The following GPC3 variants were observed in gnomAD, a reference collection of about 807,000 sequenced individuals.
GPC3 encodes glypican 3, also known as glypican-3.
In GPC3, 3 loss-of-function variants were observed where a neutral mutation model predicts 34.4. That is an observed-to-expected ratio of 0.09 (90% CI 0.04 to 0.23). The LOEUF is 0.23. GPC3 is among the 10% of genes least tolerant of loss of function. The pLI is 1.00. For synonymous variants in GPC3, 177 were observed against 174.0 expected, an observed-to-expected ratio of 1.02 and a Z score of -0.13; for missense variants, 351 against 445.6, an observed-to-expected ratio of 0.79 and a Z score of 1.91.
chrX:133,810,874 A>AG (rs370347048), intron 2 of GPC3, among the ~76,000 whole-genome samples: 1,476 of 108,452 alleles, frequency 0.014, 28 homozygotes, highest in African/African-American at 0.046. Context: ...AAAAAAAAAA[A>AG]AAAAAAGAAA....
At chrX:133,785,393 G>A (rs2072091459) in intron 2 of GPC3, among the ~76,000 whole-genome samples, 1 of 111,297 alleles carries the variant, frequency 9.0e-6, no homozygotes, top group Admixed American at 9.6e-5. Flanking sequence ...GAAGTTATAT[G>A]ACCTCTCAGC....
Position 133,535,939 on chromosome X carries a change from C to A in GPC3, c.*185G>T, listed in dbSNP as rs2069281982. Reference sequence around the variant, plus strand: ...TCTATATGCTACCACTAAAATGTATCTTCCTCCAAAAGATACCATTTGATT... The same window carrying A: ...TCTATATGCTACCACTAAAATGTATATTCCTCCAAAAGATACCATTTGATT... On this transcript the variant is annotated 3_prime_UTR_variant, in exon 8 of 8. Coordinates refer to ENST00000370818, the MANE Select transcript of GPC3 (RefSeq NM_004484.4). 1 of 429,705 alleles carries A rather than the reference C, an allele frequency of 2.3e-6. No homozygotes were observed. Among genetic ancestry groups the A allele is most frequent in the Non-Finnish European group, 4.0e-6 (1 of 249,162 alleles). The allele number at this position is 429,705 out of a possible 1,213,427, so 35.4% of individuals were successfully genotyped here.
At chrX:133,945,973 G>A (rs943735580) in intron 2 of GPC3, among the ~76,000 whole-genome samples, 11 of 111,125 alleles carry the variant, frequency 9.9e-5, no homozygotes, top group Non-Finnish European at 1.7e-4. Flanking sequence ...TTGGAAAACT[G>A]CAAAGGTTTT....
chrX:133,617,836 CTGG>C (rs1252415969), intron 6 of GPC3, among the ~76,000 whole-genome samples: 1 of 111,313 alleles, frequency 9.0e-6, no homozygotes, highest in African/African-American at 3.3e-5. Flanking sequence ...GTTGCCCAGG[CTGG>C]TCTCCAACTC....
chrX:133,830,678 C>CAAAAAAAAAAAAAAAAAAA (rs1174232524), intron 2 of GPC3, among the ~76,000 whole-genome samples: 1 of 13,439 alleles, frequency 7.4e-5, no homozygotes, highest in Non-Finnish European at 2.4e-4. Context: ...GACTCCATCT[C>CAAAAAAAAAAAAAAAAAAA]AAAAAAAAAA....
At chrX:133,912,746 C>T (rs186176488) in intron 2 of GPC3, among the ~76,000 whole-genome samples, 1 of 111,653 alleles carries the variant, frequency 9.0e-6, no homozygotes, top group East Asian at 2.8e-4. Context: ...ACTTTTATAA[C>T]TTATTTGAAC....
chrX:133,569,443 C>T (rs1286559544), intron 7 of GPC3, among the ~76,000 whole-genome samples: 2 of 111,421 alleles, frequency 1.8e-5, no homozygotes, highest in African/African-American at 6.5e-5. Flanking sequence ...ACCATGGTCC[C>T]AGTTCCTGGA....
intron 2 of GPC3, among the ~76,000 whole-genome samples, chrX:133,777,917 G>A (rs907357286): frequency 8.9e-6 from 1 of 111,760 alleles, no homozygotes; most frequent in African/African-American, 3.3e-5. Flanking sequence ...CATGAGCCCC[G>A]GTCTTTTGTT....
intron 5 of GPC3, among the ~76,000 whole-genome samples, chrX:133,684,355 C>T (rs1316702997): frequency 9.0e-6 from 1 of 111,536 alleles, no homozygotes; most frequent in Non-Finnish European, 1.9e-5. Flanking sequence ...ATAAGCAGAG[C>T]CTCCTCCAAT....
At chrX:133,749,359 A>T (rs1368947941) in intron 3 of GPC3, among the ~76,000 whole-genome samples, 1 of 111,763 alleles carries the variant, frequency 8.9e-6, no homozygotes, top group Non-Finnish European at 1.9e-5. Context: ...GAATGTGTCT[A>T]ACAAGTAACC....
At chrX:133,813,442 G>T (rs184086385) in intron 2 of GPC3, among the ~76,000 whole-genome samples, 1 of 112,604 alleles carries the variant, frequency 8.9e-6, no homozygotes, top group Admixed American at 9.4e-5. Flanking sequence ...AACCTCTGGG[G>T]GAAGTATTAT....
chrX:133,900,905 T>C (rs184066534), intron 2 of GPC3, among the ~76,000 whole-genome samples: 6 of 111,519 alleles, frequency 5.4e-5, no homozygotes, highest in African/African-American at 2.0e-4. Flanking sequence ...TTTCACAGAG[T>C]AGAATTTATT....
chrX:133,584,376 G>A (rs1383738038), intron 7 of GPC3, among the ~76,000 whole-genome samples: 3 of 111,996 alleles, frequency 2.7e-5, no homozygotes, highest in Admixed American at 1.9e-4. Flanking sequence ...TTTGGAGAAC[G>A]ACTCTTCTCT....
At chrX:133,788,304 G>A (rs551683601) in intron 2 of GPC3, among the ~76,000 whole-genome samples, 2 of 107,178 alleles carry the variant, frequency 1.9e-5, no homozygotes, top group African/African-American at 6.8e-5. Context: ...CTAGAAGGTG[G>A]AGAGATATAA....
Position 133,734,271 on chromosome X carries a change from G to A in GPC3, c.1032+19211C>T, listed in dbSNP as rs778587820. ...ATCAATGTAATATATCATATCAATA[G>A]AATAAAGGATACATTCCCATGATTA... is the stretch of plus-strand genomic sequence containing the variant. On this transcript the variant is annotated intron_variant, in intron 3 of 7. Transcript: ENST00000370818. Among the ~76,000 whole-genome samples the A allele has an allele frequency of 4.5e-5, 5 of 111,579 alleles. No individual in the cohort carries two copies. In the South Asian group the frequency reaches 1.8e-3, roughly 41 times the overall value.
chrX:133,654,673 C>T (rs1170076138), intron 6 of GPC3, among the ~76,000 whole-genome samples: 1 of 109,539 alleles, frequency 9.1e-6, no homozygotes, highest in African/African-American at 3.4e-5. Context: ...GATCACGCCA[C>T]TGCACTCCAG....
intron 2 of GPC3, among the ~76,000 whole-genome samples, chrX:133,903,015 CG>C (rs1458432984): frequency 9.1e-6 from 1 of 109,326 alleles, no homozygotes; most frequent in Non-Finnish European, 1.9e-5. Context: ...GAGGCCGAGG[CG>C]GGCAGATCAC....
At chrX:133,840,024 C>G (rs1008415231) in intron 2 of GPC3, among the ~76,000 whole-genome samples, 21 of 109,153 alleles carry the variant, frequency 1.9e-4, no homozygotes, top group African/African-American at 7.0e-4. Context: ...ACTTTGAACA[C>G]TAAAATAGAA....
chrX:133,742,554 T>G (rs1363420677), intron 3 of GPC3, among the ~76,000 whole-genome samples: 1 of 112,069 alleles, frequency 8.9e-6, no homozygotes, highest in Non-Finnish European at 1.9e-5. Context: ...GCCCATCTAT[T>G]AACTATATGA....
Sources: allele counts gnomAD v4.1 joint callset (sites outside exome capture counted in the v4.1 genomes callset), GRCh38; gene constraint gnomAD v4.1.1; transcripts MANE v1.5; gene names NCBI Gene and HGNC (gene_info 2026-07-23, HGNC 2026-07-21).